Variants in NALF1 observed in about 807,000 individuals in gnomAD.
NALF1 encodes the protein family with sequence similarity 155 member A.
A neutral mutation model predicts 48.4 loss-of-function variants in NALF1; 3 were observed. The ratio of observed to expected loss-of-function variants is 0.06; its 90% confidence interval spans 0.03 to 0.16. The LOEUF is 0.16. NALF1 is among the 10% of genes least tolerant of loss of function. The pLI is 1.00. For missense variants in NALF1, 526 were observed against 571.5 expected (o/e 0.92, Z 0.81); for synonymous variants, 262 against 245.7 (o/e 1.07, Z -0.62).
intron 1 of NALF1, among the ~76,000 whole-genome samples, chr13:107,554,563 G>A (rs1392546002): frequency 6.6e-6 from 1 of 152,164 alleles, no homozygotes; most frequent in Non-Finnish European, 1.5e-5. Flanking sequence ...CAGAGGCCCA[G>A]AGAGGCTGAG....
chr13:107,771,903 AT>A (rs1157615495), intron 1 of NALF1, among the ~76,000 whole-genome samples: 1 of 151,980 alleles, frequency 6.6e-6, no homozygotes. Context: ...CCCCCAGCTA[AT>A]TTTTGTATTT....
At chr13:107,350,944 C>T (rs990336199) in intron 1 of NALF1, among the ~76,000 whole-genome samples, 1 of 152,138 alleles carries the variant, frequency 6.6e-6, no homozygotes, top group Admixed American at 6.5e-5. Context: ...ATGACAACTA[C>T]CAAAGAGTTA....
chr13:107,185,349 T>C (rs953333003), intron 2 of NALF1, among the ~76,000 whole-genome samples: 4 of 152,114 alleles, frequency 2.6e-5, no homozygotes, highest in Non-Finnish European at 5.9e-5. Flanking sequence ...TGTTTATCTA[T>C]TTGCCTCCAG....
chr13:107,586,382 A>G (rs1442948836), intron 1 of NALF1, among the ~76,000 whole-genome samples: 1 of 152,114 alleles, frequency 6.6e-6, no homozygotes, highest in Non-Finnish European at 1.5e-5. Flanking sequence ...TTGAAGACAT[A>G]TGAGTCTACA....
intron 1 of NALF1, among the ~76,000 whole-genome samples, chr13:107,413,847 C>T (rs1229845460): frequency 4.6e-5 from 7 of 152,222 alleles, no homozygotes; most frequent in East Asian, 1.9e-4. Context: ...AGTGGAGTGG[C>T]GCAATCTCAG....
intron 1 of NALF1, among the ~76,000 whole-genome samples, chr13:107,559,871 C>T (rs1318303110): frequency 6.6e-6 from 1 of 151,976 alleles, no homozygotes; most frequent in Non-Finnish European, 1.5e-5. Context: ...AAGATAACAA[C>T]GTGAAATATA....
chr13:107,254,062 A>AAAAAAAAAAATATATATATATATATAT lies in NALF1; in HGVS notation c.916-43308_916-43307insATATATATATATATATATTTTTTTTTT. Among the ~76,000 whole-genome samples the AAAAAAAAAAATATATATATATATATAT allele has an allele frequency of 2.5e-3, 350 of 138,616 alleles. 7 individuals carry two copies. Among genetic ancestry groups the AAAAAAAAAAATATATATATATATATAT allele is most frequent in the African/African-American group, 9.0e-3 (333 of 37,000 alleles). The allele number at this position is 138,616 out of a possible 152,430, so 90.9% of individuals were successfully genotyped here. On this transcript the variant is annotated intron_variant, in intron 1 of 2. Coordinates refer to ENST00000375915, the MANE Select transcript of NALF1 (RefSeq NM_001080396.3). ...AGATGTTTAAGGGAGCAAGTACTAA[A>AAAAAAAAAAATATATATATATATATAT]ATATATATATATATATTAAGCACAC...
intron 1 of NALF1, among the ~76,000 whole-genome samples, chr13:107,259,925 G>A (rs1252901326): frequency 6.6e-6 from 1 of 152,180 alleles, no homozygotes; most frequent in Non-Finnish European, 1.5e-5. Flanking sequence ...CAAGCACTAT[G>A]TCTATTTCAC....
intron 1 of NALF1, among the ~76,000 whole-genome samples, chr13:107,344,038 A>C (rs1882730662): frequency 6.6e-6 from 1 of 152,146 alleles, no homozygotes; most frequent in Non-Finnish European, 1.5e-5. Flanking sequence ...CCAAAAAAGG[A>C]GATAATAAGC....
At chr13:107,577,981 C>T (rs1878201165) in intron 1 of NALF1, among the ~76,000 whole-genome samples, 1 of 152,116 alleles carries the variant, frequency 6.6e-6, no homozygotes, top group Non-Finnish European at 1.5e-5. Flanking sequence ...AGCTTAAAAC[C>T]CTTTGAGATT....
chr13:107,699,740 C>T (rs1432261914), intron 1 of NALF1, among the ~76,000 whole-genome samples: 1 of 152,034 alleles, frequency 6.6e-6, no homozygotes, highest in Non-Finnish European at 1.5e-5. Context: ...TCTGTATTTA[C>T]AGATGAGATA....
At position 107,435,328 on chromosome 13, in the gene NALF1, GA is replaced by G. The variant is rs11408117; in HGVS notation, c.916-224574del. On this transcript the variant is annotated intron_variant, in intron 1 of 2. Transcript: ENST00000375915. The stretch of plus-strand genomic sequence containing the variant: ...ATAATAGCATCTTAGAGGTTGATTA[GA>G]AAAAAAAAAATCAAAAGTCTACTTA... Among the ~76,000 whole-genome samples, 275 of 148,724 alleles carry G rather than the reference GA, an allele frequency of 1.8e-3. 2 individuals are homozygous for G. Among genetic ancestry groups the G allele is most frequent in the South Asian group, 0.012 (58 of 4,710 alleles).
chr13:107,791,909 G>A (rs971020798), intron 1 of NALF1, among the ~76,000 whole-genome samples: 1 of 152,152 alleles, frequency 6.6e-6, no homozygotes, highest in Non-Finnish European at 1.5e-5. Flanking sequence ...GCAGTGAGCT[G>A]AGATCAAACC....
At chr13:107,445,821 G>A (rs76199976) in intron 1 of NALF1, among the ~76,000 whole-genome samples, 1,859 of 152,046 alleles carry the variant, frequency 0.012, 20 homozygotes, top group South Asian at 0.036. Flanking sequence ...AATGGCTATT[G>A]GTGATGAGCA....
At chr13:107,699,800 GAATT>G (rs1881779034) in intron 1 of NALF1, among the ~76,000 whole-genome samples, 1 of 151,908 alleles carries the variant, frequency 6.6e-6, no homozygotes, top group Non-Finnish European at 1.5e-5. Flanking sequence ...AAAACTGTTA[GAATT>G]AATACCTGAA....
At chr13:107,718,948 C>T (rs1875902668) in intron 1 of NALF1, among the ~76,000 whole-genome samples, 1 of 152,200 alleles carries the variant, frequency 6.6e-6, no homozygotes, top group East Asian at 1.9e-4. Context: ...TATTCTTTTG[C>T]ACAATGCTAG....
chr13:107,312,054 C>T (rs1882056503), intron 1 of NALF1, among the ~76,000 whole-genome samples: 1 of 152,150 alleles, frequency 6.6e-6, no homozygotes, highest in Non-Finnish European at 1.5e-5. Flanking sequence ...CCATTTGACC[C>T]AGCCATCCCA....
Position 107,799,286 on chromosome 13 carries a change from T to C in NALF1, c.915+66396A>G, listed in dbSNP as rs149469376. Among the ~76,000 whole-genome samples the C allele has an allele frequency of 8.5e-5, 13 of 152,306 alleles. No individual in the cohort carries two copies. In the East Asian group the frequency reaches 2.1e-3, roughly 25 times the overall value. ...TTGGTTTAGCCACAGACTCCTCTCA[T>C]TGTGCCCTGTTTACAGCTCCTTTTA... is the stretch of plus-strand genomic sequence containing the variant. On this transcript the variant is annotated intron_variant, in intron 1 of 2. Coordinates refer to ENST00000375915, the MANE Select transcript of NALF1 (RefSeq NM_001080396.3).
intron 1 of NALF1, among the ~76,000 whole-genome samples, chr13:107,557,223 T>A (rs1877507231): frequency 1.3e-5 from 2 of 152,216 alleles, no homozygotes; most frequent in African/African-American, 4.8e-5. Flanking sequence ...GGGCTTACTA[T>A]GCATTGTAAC....
Sources: gnomAD v4.1 joint callset for allele counts (sites outside exome capture counted in the v4.1 genomes callset) on GRCh38, gnomAD v4.1.1 for gene constraint, MANE v1.5 for transcripts, NCBI Gene and HGNC (gene_info 2026-07-23, HGNC 2026-07-21) for gene names.